ZIM3: variants seen among roughly 807,000 people sequenced by gnomAD.
The protein encoded by ZIM3 is zinc finger imprinted 3, also known as zinc finger protein 657.
ZIM3 carries 11 observed loss-of-function variants against 12.9 expected under a neutral mutation model. That is an observed-to-expected ratio of 0.85 (90% CI 0.54 to 1.41). The LOEUF (loss-of-function observed/expected upper bound fraction) is 1.41, where lower values mean the gene tolerates loss of function less well. ZIM3 is among the 40% of genes most tolerant of loss of function. The pLI, the probability that ZIM3 is intolerant of heterozygous loss-of-function variation, is 0.00. For synonymous variants in ZIM3, 205 were observed against 198.5 expected, an observed-to-expected ratio of 1.03 and a Z score of -0.28; for missense variants, 604 against 557.2, an observed-to-expected ratio of 1.08 and a Z score of -0.85.
intron 2 of ZIM3, among the ~76,000 whole-genome samples, chr19:57,142,397 C>G (rs1287810864): frequency 6.6e-6 from 1 of 152,064 alleles, no homozygotes; most frequent in Admixed American, 6.6e-5. Flanking sequence ...CTGCCTTGGC[C>G]TCCTAGATTG....
intron 2 of ZIM3, among the ~76,000 whole-genome samples, chr19:57,140,422 C>T (rs928909896): frequency 1.3e-5 from 2 of 152,062 alleles, no homozygotes; most frequent in African/African-American, 2.4e-5. Flanking sequence ...GTGATCTGCC[C>T]GCATCGGCCT....
chr19:57,136,669 A>G (rs1371062243), intron 4 of ZIM3, among the ~76,000 whole-genome samples: 3 of 77,698 alleles, frequency 3.9e-5, no homozygotes, highest in East Asian at 1.4e-3. Context: ...CCAGAAAAAA[A>G]AAAAAAAGAA....
Position 57,134,816 on chromosome 19 carries a change from T to G in ZIM3, c.*102A>C, listed in dbSNP as rs554917601. The G allele has an allele frequency of 7.8e-7, 1 of 1,278,374 alleles. No homozygotes were observed. The highest frequency in any genetic ancestry group is 2.3e-5 in the East Asian group (1 of 43,114). 79.2% of individuals were successfully genotyped at this position (1,278,374 alleles called of 1,614,324 possible). A position where few individuals can be genotyped will look rare whatever the true frequency, so the allele number is the denominator to read the frequency against. On this transcript the variant is annotated 3_prime_UTR_variant, in exon 5 of 5. Coordinates refer to ENST00000269834, the MANE Select transcript of ZIM3 (RefSeq NM_052882.1). Reference sequence around the variant, plus strand: ...CTGTGATAATAAGTCCTCGCTACCTTCAAAAATAGCCTCCAAATTAGAGGC... The same window carrying G: ...CTGTGATAATAAGTCCTCGCTACCTGCAAAAATAGCCTCCAAATTAGAGGC...
Position 57,142,694 on chromosome 19 carries a change from A to T in ZIM3, c.-42-9T>A, listed in dbSNP as rs773822430. The T allele has an allele frequency of 2.2e-5, 35 of 1,605,204 alleles. No individual in the cohort carries two copies. The highest frequency in any genetic ancestry group is 2.9e-5 in the Non-Finnish European group (34 of 1,173,502). On this transcript the variant is annotated splice_polypyrimidine_tract_variant and intron_variant, in intron 1 of 4. Transcript: ENST00000269834. The stretch of plus-strand genomic sequence containing the variant: ...GTCTTGGGAAGGCAGATCTGAGGGA[A>T]AATGGAAAAGAACCATGAAATAGCA...
Position 57,135,883 on chromosome 19 carries a change from T to C in ZIM3, c.454A>G (p.Arg152Gly). The C allele has an allele frequency of 6.2e-7, 1 of 1,614,176 alleles. No homozygotes were observed. Among genetic ancestry groups the C allele is most frequent in the South Asian group, 1.1e-5 (1 of 91,076 alleles). ...GATGGATTATTGCCAACTAATTTTC[T>C]GTATCCATTATCATCGTGAGAATTA... ...QNNSHDDNGYRKLVGNNPSKF... is the reference protein window; with the variant it reads ...QNNSHDDNGYGKLVGNNPSKF... The change falls in exon 5 of 5, where the codon AGA becomes GGA. Residue 152 changes from arginine to glycine, a missense_variant. Coordinates refer to ENST00000269834, the MANE Select transcript of ZIM3 (RefSeq NM_052882.1).
chr19:57,137,057 T>C, intron 3 of ZIM3, 86 bp from the exon 4 acceptor site: 3 of 1,256,564 alleles, frequency 2.4e-6, no homozygotes, highest in Non-Finnish European at 2.3e-6. Flanking sequence ...AGCGCTTGCG[T>C]ATGCTTGTGT....
rs772620796 is a variant in ZIM3, at chr19:57,135,164, A to G, written c.1173T>C (p.Tyr391=). The G allele has an allele frequency of 6.2e-7, 1 of 1,614,204 alleles. No homozygotes were observed. The highest frequency in any genetic ancestry group is 1.1e-5 in the South Asian group (1 of 91,088). The part of the protein sequence containing the change: ...HKKIHTGEKP[Y]ECNRCGKAFF... ...AGGCTTTTCCACATCTGTTACATTC[A>G]TAGGGCTTTTCCCCAGTATGGATTT... is the stretch of plus-strand genomic sequence containing the variant. The change falls in exon 5 of 5, where the codon TAT becomes TAC. Residue 391 remains tyrosine, a synonymous_variant. Transcript: ENST00000269834.
intron 2 of ZIM3, among the ~76,000 whole-genome samples, chr19:57,142,142 C>CGT (rs761910786): frequency 9.8e-5 from 11 of 112,436 alleles, no homozygotes; most frequent in African/African-American, 3.7e-4. Flanking sequence ...CGTAACCAAG[C>CGT]TTTTTTTTTT....
chr19:57,140,052 TC>T (rs2086906815), intron 2 of ZIM3, among the ~76,000 whole-genome samples: 1 of 152,208 alleles, frequency 6.6e-6, no homozygotes, highest in Non-Finnish European at 1.5e-5. Flanking sequence ...TAAAGCGAAT[TC>T]CTTTGTCAGA....
intron 1 of ZIM3, among the ~76,000 whole-genome samples, chr19:57,143,903 T>G (rs988254995): frequency 1.3e-5 from 2 of 152,014 alleles, no homozygotes; most frequent in African/African-American, 2.4e-5. Flanking sequence ...CTCGAGCTGC[T>G]GATCTCAAGT....
Position 57,135,946 on chromosome 19 carries a change from T to C in ZIM3, c.391A>G (p.Ile131Val). 3 of 1,614,188 alleles carry C rather than the reference T, an allele frequency of 1.9e-6. No individual in the cohort carries two copies. Among genetic ancestry groups the C allele is most frequent in the South Asian group, 1.1e-5 (1 of 91,084 alleles). ...DGSKKILPLG[I>V]DDVSSLQHYV... ...TGTTGCAAGGAAGATACATCATCTA[T>C]GCCCAGTGGAAGTATTTTCTTAGAT... Residue 131 changes from isoleucine (I) to valine (V), a missense_variant, in exon 5 of 5, where the codon ATA (isoleucine) becomes GTA (valine). Coordinates refer to ENST00000269834, the MANE Select transcript of ZIM3 (RefSeq NM_052882.1).
intron 2 of ZIM3, 50 bp downstream of exon 2, chr19:57,142,579 G>A: frequency 6.3e-7 from 1 of 1,596,082 alleles, no homozygotes; most frequent in East Asian, 2.2e-5. Context: ...AGAGGAACGT[G>A]GGTCATACGT....
Position 57,135,844 on chromosome 19 carries a change from G to A in ZIM3, c.493C>T (p.Gln165Ter). The change falls in exon 5 of 5, where the codon CAA (glutamine) becomes TAA (stop). Residue 165 changes from glutamine to a stop codon, truncating the protein, a stop_gained. Coordinates refer to ENST00000269834, the MANE Select transcript of ZIM3 (RefSeq NM_052882.1). LOFTEE classifies it low-confidence loss of function (END_TRUNC). ...VGNNPSKFVG[Q>*]QLKCNACRKL... is the part of the protein sequence containing the mutation. ...CTACAGGCATTACATTTCAGTTGTT[G>A]TCCTACAAATTTGGATGGATTATTG... is the stretch of plus-strand genomic sequence containing the variant. The A allele has an allele frequency of 6.2e-7, 1 of 1,614,050 alleles. No individual in the cohort carries two copies. Among genetic ancestry groups the A allele is most frequent in the Admixed American group, 1.7e-5 (1 of 59,998 alleles).
At chr19:57,138,944 A>T (rs890268826) in intron 2 of ZIM3, among the ~76,000 whole-genome samples, 2 of 152,136 alleles carry the variant, frequency 1.3e-5, no homozygotes, top group African/African-American at 2.4e-5. Flanking sequence ...TCATCCCAAC[A>T]TTTTGGGAGG....
intron 3 of ZIM3, among the ~76,000 whole-genome samples, chr19:57,137,932 A>T (rs868643277): frequency 8.4e-4 from 30 of 35,604 alleles, no homozygotes; most frequent in South Asian, 1.4e-3. Context: ...AGAAGGAAGG[A>T]AGGAAGGAAG....
In ZIM3 at chr19:57,134,630, A is replaced by C; in HGVS notation, c.*288T>G. 2.9e-6 allele frequency: 1 copy of C among 345,234 alleles called. No homozygotes were observed. The highest frequency in any genetic ancestry group is 4.9e-5 in the South Asian group (1 of 20,572). 21.4% of individuals were successfully genotyped at this position (345,234 alleles called of 1,614,324 possible). A position where few individuals can be genotyped will look rare whatever the true frequency, so the allele number is the denominator to read the frequency against. On this transcript the variant is annotated 3_prime_UTR_variant, in exon 5 of 5. Coordinates refer to ENST00000269834, the MANE Select transcript of ZIM3 (RefSeq NM_052882.1). ...TTTAAAGATATGGATACCACTGGTC[A>C]TTATTCACTGGAATAAAACTCCATC...
chr19:57,138,312 C>T (rs1423524467), intron 3 of ZIM3, among the ~76,000 whole-genome samples, 160 bp downstream of exon 3: 3 of 152,184 alleles, frequency 2.0e-5, no homozygotes, highest in African/African-American at 7.2e-5. Flanking sequence ...TTCAATACAG[C>T]ACTTGGTACA....
intron 2 of ZIM3, among the ~76,000 whole-genome samples, chr19:57,141,224 A>G (rs992949556): frequency 6.6e-6 from 1 of 151,758 alleles, no homozygotes; most frequent in African/African-American, 2.4e-5. Flanking sequence ...GTAAAACCCC[A>G]TCTCTACTAA....
rs145798478 is a variant in ZIM3 at position 57,144,214 on chromosome 19, C to A, written c.-43+645G>T. Reference sequence around the variant, plus strand: ...CTATGGGTGCATGCTACCACATCAGCTAACTTTTTATTTTTTGTAAAGAAG... The same window carrying A: ...CTATGGGTGCATGCTACCACATCAGATAACTTTTTATTTTTTGTAAAGAAG... On this transcript the variant is annotated intron_variant, in intron 1 of 4. Coordinates refer to ENST00000269834, the MANE Select transcript of ZIM3 (RefSeq NM_052882.1). Among the ~76,000 whole-genome samples, 99 of 151,984 alleles carry A rather than the reference C, an allele frequency of 6.5e-4. 1 individual carries two copies. Among genetic ancestry groups the A allele is most frequent in the Non-Finnish European group, 9.9e-4 (67 of 67,996 alleles).
Sources: gnomAD v4.1 joint callset for allele counts (sites outside exome capture counted in the v4.1 genomes callset) on GRCh38, gnomAD v4.1.1 for gene constraint, MANE v1.5 for transcripts, NCBI Gene and HGNC (gene_info 2026-07-23, HGNC 2026-07-21) for gene names.